The following NRBF2 variants were observed in gnomAD, a reference collection of about 807,000 sequenced individuals.
NRBF2 encodes the protein nuclear receptor binding factor 2, also known as nuclear receptor-binding factor 2.
In NRBF2, 12 loss-of-function variants were observed where a neutral mutation model predicts 28.5. The observed-to-expected ratio is 0.42, with a 90% CI of 0.27 to 0.68. The LOEUF (loss-of-function observed/expected upper bound fraction) is 0.68, where lower values mean the gene tolerates loss of function less well. NRBF2 is among the 30% of genes least tolerant of loss of function. The pLI, the probability that NRBF2 is intolerant of heterozygous loss-of-function variation, is 0.24. For missense variants in NRBF2, 274 were observed against 333.5 expected (o/e 0.82, Z 1.39); for synonymous variants, 102 against 116.5 (o/e 0.88, Z 0.80).
Position 63,150,527 on chromosome 10 carries a change from C to T in NRBF2, c.116-1623C>T, listed in dbSNP as rs146230410. The stretch of plus-strand genomic sequence containing the variant: ...TGGCCTCCCAAAGTGCTAGCCACTG[C>T]GCCTGGCTCCAACTCTTCTTTTTCT... On this transcript the variant is annotated intron_variant, in intron 2 of 3. Coordinates refer to ENST00000277746, the MANE Select transcript of NRBF2 (RefSeq NM_030759.5). Among the ~76,000 whole-genome samples the T allele has an allele frequency of 3.0e-4, 46 of 152,106 alleles. No individual in the cohort carries two copies. In the East Asian group the frequency reaches 7.4e-3, roughly 24 times the overall value.
intron 1 of NRBF2, among the ~76,000 whole-genome samples, chr10:63,138,765 C>T (rs2132678277): frequency 6.6e-6 from 1 of 151,702 alleles, no homozygotes. Context: ...AAAAGTCTTT[C>T]CTGGAATTCT....
Position 63,149,942 on chromosome 10 carries a change from ATTTTTTTT to A in NRBF2, c.116-2198_116-2191del, listed in dbSNP as rs60700597. 2.0e-3 allele frequency among the ~76,000 whole-genome samples: 266 copies of A among 133,376 alleles called. 2 individuals are homozygous for A. Among genetic ancestry groups the A allele is most frequent in the Middle Eastern group, 7.6e-3 (2 of 264 alleles). 87.5% of individuals were successfully genotyped at this position (133,376 alleles called of 152,430 possible). A position where few individuals can be genotyped will look rare whatever the true frequency, so the allele number is the denominator to read the frequency against. ...CAGAGCAGTTAGAATGTCTCCACAG[ATTTTTTTT>A]TTTTTTTTTGAAACGGAGTCTTGCT... On this transcript the variant is annotated intron_variant, in intron 2 of 3. Coordinates refer to ENST00000277746, the MANE Select transcript of NRBF2 (RefSeq NM_030759.5).
In NRBF2 at chr10:63,154,028, CAG is replaced by C. The variant is rs1460574985; in HGVS notation, c.677_678del (p.Glu226ValfsTer52). 6.2e-7 allele frequency: 1 copy of C among 1,612,374 alleles called. No homozygotes were observed. Among genetic ancestry groups the C allele is most frequent in the Non-Finnish European group, 8.5e-7 (1 of 1,179,866 alleles). On this transcript the variant is annotated frameshift_variant, in exon 4 of 4. Coordinates refer to ENST00000277746, the MANE Select transcript of NRBF2 (RefSeq NM_030759.5). LOFTEE classifies it high-confidence loss of function. ...GTAGATGCTGATTTTGTAGAAACGT[CAG>C]AGTTATGGAGCTTGCCACCACATGC...
chr10:63,143,929 TG>T (rs1841517130), intron 1 of NRBF2, among the ~76,000 whole-genome samples: 1 of 151,920 alleles, frequency 6.6e-6, no homozygotes, highest in South Asian at 2.1e-4. Flanking sequence ...GGCTAATTTT[TG>T]TATTTTTTGT....
chr10:63,138,314 AAAAAC>A (rs557609604), intron 1 of NRBF2, among the ~76,000 whole-genome samples: 280 of 151,266 alleles, frequency 1.9e-3, no homozygotes, highest in Non-Finnish European at 3.5e-3. Flanking sequence ...CTCCGTATCA[AAAAAC>A]AAAACAAAAC....
At chr10:63,147,280 G>A (rs774281765) in intron 2 of NRBF2, among the ~76,000 whole-genome samples, 1 of 151,756 alleles carries the variant, frequency 6.6e-6, no homozygotes, top group African/African-American at 2.4e-5. Flanking sequence ...TTACTACAGT[G>A]GTTTTTGCCT....
intron 1 of NRBF2, among the ~76,000 whole-genome samples, chr10:63,140,115 G>T (rs61853336): frequency 6.6e-6 from 1 of 152,078 alleles, no homozygotes; most frequent in South Asian, 2.1e-4. Flanking sequence ...TCCAGCCTCT[G>T]GGTGACAGAA....
At chr10:63,147,534 G>A (rs1016622608) in intron 2 of NRBF2, among the ~76,000 whole-genome samples, 3 of 151,042 alleles carry the variant, frequency 2.0e-5, no homozygotes, top group Non-Finnish European at 2.9e-5. Flanking sequence ...GGCTGGTCTC[G>A]AACTCCTGAC....
intron 1 of NRBF2, among the ~76,000 whole-genome samples, chr10:63,144,867 T>C (rs1167336675): frequency 6.6e-6 from 1 of 152,174 alleles, no homozygotes; most frequent in African/African-American, 2.4e-5. Flanking sequence ...GCTTTTTGCT[T>C]TTTTGTGAAG....
intron 1 of NRBF2, among the ~76,000 whole-genome samples, chr10:63,140,314 T>G (rs560989777): frequency 3.2e-4 from 49 of 152,318 alleles, no homozygotes; most frequent in African/African-American, 1.1e-3. Flanking sequence ...AAAAAGAATG[T>G]GGGAAGTCCC....
In NRBF2 at chr10:63,154,452, T is replaced by C. The variant is rs1349735332; in HGVS notation, c.*234T>C. 2 of 374,546 alleles carry C rather than the reference T, an allele frequency of 5.3e-6. No homozygotes were observed. Among genetic ancestry groups the C allele is most frequent in the Non-Finnish European group, 9.6e-6 (2 of 209,186 alleles). The allele number at this position is 374,546 out of a possible 1,614,324, so 23.2% of individuals were successfully genotyped here. ...TCCGACTTGGCAGACGCTAAACTCA[T>C]GGAGGTTCGGTTTCTCCTGATACAA... On this transcript the variant is annotated 3_prime_UTR_variant, in exon 4 of 4. Transcript: ENST00000277746.
intron 1 of NRBF2, among the ~76,000 whole-genome samples, chr10:63,145,915 C>T (rs1349102438): frequency 6.6e-6 from 1 of 152,150 alleles, no homozygotes; most frequent in African/African-American, 2.4e-5. Context: ...ATGATTGTAA[C>T]TCTTGGTTTA....
intron 2 of NRBF2, among the ~76,000 whole-genome samples, chr10:63,148,405 C>T (rs1313044407): frequency 1.3e-5 from 2 of 152,266 alleles, no homozygotes; most frequent in African/African-American, 4.8e-5. Flanking sequence ...AATTGACTTG[C>T]ATCTCTAGGG....
chr10:63,139,680 T>C (rs1841432948), intron 1 of NRBF2, among the ~76,000 whole-genome samples: 1 of 152,242 alleles, frequency 6.6e-6, no homozygotes, highest in African/African-American at 2.4e-5. Context: ...TCTCTTTTTT[T>C]GCCTTTTCAG....
At chr10:63,148,114 A>G (rs1841592595) in intron 2 of NRBF2, among the ~76,000 whole-genome samples, 2 of 152,210 alleles carry the variant, frequency 1.3e-5, no homozygotes, top group Admixed American at 6.5e-5. Context: ...GTGAATCAGC[A>G]TATGTTAGGC....
intron 2 of NRBF2, among the ~76,000 whole-genome samples, chr10:63,148,750 A>G (rs1344143555): frequency 6.6e-6 from 1 of 152,214 alleles, no homozygotes; most frequent in African/African-American, 2.4e-5. Context: ...TCTACTCTTG[A>G]GGTGGACAAT....
chr10:63,147,714 G>GT (rs1191673490), intron 2 of NRBF2, among the ~76,000 whole-genome samples: 2 of 148,662 alleles, frequency 1.3e-5, no homozygotes, highest in African/African-American at 5.0e-5. Flanking sequence ...CCATCAACCT[G>GT]TTGTCTACAT....
At chr10:63,152,074 T>G in intron 2 of NRBF2, 76 bp from the exon 3 acceptor site, 1 of 1,075,902 alleles carries the variant, frequency 9.3e-7, no homozygotes, top group Non-Finnish European at 1.4e-6. Flanking sequence ...ATATGAAGAT[T>G]ATTAAAACTC....
At chr10:63,142,296 T>A (rs921316745) in intron 1 of NRBF2, among the ~76,000 whole-genome samples, 22 of 142,164 alleles carry the variant, frequency 1.5e-4, no homozygotes, top group Non-Finnish European at 3.1e-4. Context: ...AACCTTTGTT[T>A]TTTTTGTTTT....
Sources: gnomAD v4.1 joint callset for allele counts (sites outside exome capture counted in the v4.1 genomes callset) on GRCh38, gnomAD v4.1.1 for gene constraint, MANE v1.5 for transcripts, NCBI Gene and HGNC (gene_info 2026-07-23, HGNC 2026-07-21) for gene names.